The following TNRC18 variants were observed in gnomAD, a reference collection of about 807,000 sequenced individuals.
The protein encoded by TNRC18 is trinucleotide repeat-containing gene 18 protein.
A neutral mutation model predicts 226.7 loss-of-function variants in TNRC18; 69 were observed. The observed-to-expected ratio is 0.30, with a 90% CI of 0.25 to 0.37. TNRC18 has a LOEUF of 0.37. Among genes scored for constraint, TNRC18 ranks in the 10% least tolerant of loss-of-function variants. TNRC18 has a pLI of 1.00. For synonymous variants in TNRC18, 2,449 were observed against 1,927.6 expected (o/e 1.27, Z -7.09); for missense variants, 4,754 against 4,256.6 (o/e 1.12, Z -3.25).
intron 2 of TNRC18, among the ~76,000 whole-genome samples, chr7:5,417,411 A>G (rs1407578106): frequency 6.6e-6 from 1 of 152,050 alleles, no homozygotes; most frequent in Non-Finnish European, 1.5e-5. Context: ...TGGAGGTTGC[A>G]ATGAGCTGAG....
At chr7:5,315,892 G>A in intron 25 of TNRC18, 64 bp downstream of exon 25, 1 of 1,281,546 alleles carries the variant, frequency 7.8e-7, no homozygotes, top group Non-Finnish European at 1.1e-6. Context: ...GCCGGGCTTG[G>A]AGGGCGAGAG....
intron 2 of TNRC18, among the ~76,000 whole-genome samples, chr7:5,413,570 G>C (rs1781975982): frequency 6.6e-6 from 1 of 152,172 alleles, no homozygotes; most frequent in Non-Finnish European, 1.5e-5. Flanking sequence ...CTGTTGCCCA[G>C]ACCACTGTGA....
At position 5,388,793 on chromosome 7, in the gene TNRC18, C is replaced by T; in HGVS notation, c.1031G>A (p.Gly344Glu). ...GGTGGCCGCGGGGGGTGCAGGAGGC[C>T]CCTTGGGGGGCGCGGGCGGCGGGGG... ...PLPPPPAPPK[G>E]PPAPPAATPA... is the part of the protein sequence containing the mutation. Residue 344 changes from glycine (G) to glutamate (E), a missense_variant, in exon 5 of 30, where the codon GGG becomes GAG. Physicochemically the swap from Gly to Glu is moderately conservative, Grantham distance 98. Transcript: ENST00000430969. 1 of 1,206,796 alleles carries T rather than the reference C, an allele frequency of 8.3e-7. No homozygotes were observed. The highest frequency in any genetic ancestry group is 1.0e-6 in the Non-Finnish European group (1 of 970,592). The allele number at this position is 1,206,796 out of a possible 1,614,324, so 74.8% of individuals were successfully genotyped here.
chr7:5,387,991 G>C lies in TNRC18; in HGVS notation c.1833C>G (p.Ser611Arg). ...AVRPGGCGKK[S>R]PFGGLGTMKP... is the part of the protein sequence containing the mutation. ...TCATGGTGCCCAAACCTCCAAAGGGGCTCTTCTTGCCACAGCCACCAGGGC... is the reference window on the plus strand; with the variant it reads ...TCATGGTGCCCAAACCTCCAAAGGGCCTCTTCTTGCCACAGCCACCAGGGC... The change falls in exon 5 of 30, where the codon AGC (serine) becomes AGG (arginine). Residue 611 changes from serine (S) to arginine (R), a missense_variant. By Grantham distance (110) the Ser-to-Arg change is moderately radical (BLOSUM62 -1). Transcript: ENST00000430969. The C allele has an allele frequency of 6.3e-7, 1 of 1,590,268 alleles. No homozygotes were observed.
intron 17 of TNRC18, among the ~76,000 whole-genome samples, chr7:5,349,512 G>C (rs948534818): frequency 1.3e-5 from 2 of 152,222 alleles, no homozygotes; most frequent in African/African-American, 2.4e-5. Flanking sequence ...GTAAATGTCA[G>C]AGCGATCTGC....
At chr7:5,331,235 C>A (rs754008869) in intron 19 of TNRC18, among the ~76,000 whole-genome samples, 1 of 152,062 alleles carries the variant, frequency 6.6e-6, no homozygotes, top group African/African-American at 2.4e-5. Context: ...GGTATTTTGA[C>A]AGAATACCGT....
chr7:5,388,458 G>C lies in TNRC18; in HGVS notation c.1366C>G (p.Pro456Ala). The change falls in exon 5 of 30, where the codon CCC (proline) becomes GCC (alanine). Residue 456 changes from proline to alanine, a missense_variant. Pro to Ala is a conservative substitution (Grantham distance 27). Transcript: ENST00000430969. ...TVRATRASPD[P>A]RAYVPAKELL... ...TCCTTGGCAGGCACGTAGGCGCGGGGGTCCGGGGAGGCGCGTGTGGCCCGC... is the reference window on the plus strand; with the variant it reads ...TCCTTGGCAGGCACGTAGGCGCGGGCGTCCGGGGAGGCGCGTGTGGCCCGC... 1 of 1,441,716 alleles carries C rather than the reference G, an allele frequency of 6.9e-7. No individual in the cohort carries two copies. The highest frequency in any genetic ancestry group is 9.0e-7 in the Non-Finnish European group (1 of 1,109,996). 89.3% of individuals were successfully genotyped at this position (1,441,716 alleles called of 1,614,324 possible).
Position 5,308,060 on chromosome 7 carries a change from C to A in TNRC18, c.*46G>T. 6.6e-7 allele frequency: 1 copy of A among 1,518,008 alleles called. No individual in the cohort carries two copies. 94.0% of individuals were successfully genotyped at this position (1,518,008 alleles called of 1,614,324 possible). Reference sequence around the variant, plus strand: ...CGCCATGGCAGTGATGGAGATGGGTCCCTGGCCGCCCTCGGGGCACAGGTG... The same window carrying A: ...CGCCATGGCAGTGATGGAGATGGGTACCTGGCCGCCCTCGGGGCACAGGTG... On this transcript the variant is annotated 3_prime_UTR_variant, in exon 30 of 30. Coordinates refer to ENST00000430969, the MANE Select transcript of TNRC18 (RefSeq NM_001080495.3).
At position 5,345,644 on chromosome 7, in the gene TNRC18, G is replaced by A; in HGVS notation, c.5637C>T (p.Pro1879=). ...CCACAGACAGGGATGGACCCACCGT[G>A]GGGCTGGGGAGGGCGCTGGCGGCGA... is the stretch of plus-strand genomic sequence containing the variant. The part of the protein sequence containing the change: ...ARFAASALPS[P]TVGPSLSVVQ... Residue 1879 remains proline, a synonymous_variant, in exon 18 of 30, where the codon CCC becomes CCT. Coordinates refer to ENST00000430969, the MANE Select transcript of TNRC18 (RefSeq NM_001080495.3). 1 of 1,557,010 alleles carries A rather than the reference G, an allele frequency of 6.4e-7. No homozygotes were observed. The highest frequency in any genetic ancestry group is 8.7e-7 in the Non-Finnish European group (1 of 1,150,628).
At chr7:5,411,426 G>A (rs1781836197) in intron 2 of TNRC18, among the ~76,000 whole-genome samples, 1 of 148,518 alleles carries the variant, frequency 6.7e-6, no homozygotes, top group South Asian at 2.1e-4. Flanking sequence ...GCTGAGGCAG[G>A]AGAATCACCT....
intron 2 of TNRC18, among the ~76,000 whole-genome samples, chr7:5,405,001 C>T (rs927546639): frequency 1.1e-4 from 17 of 152,006 alleles, no homozygotes; most frequent in Admixed American, 1.3e-4. Flanking sequence ...GCCTGTAGTC[C>T]CAGCTATTGG....
At chr7:5,387,298 G>A (rs537241280) in intron 5 of TNRC18, among the ~76,000 whole-genome samples, 300 of 152,244 alleles carry the variant, frequency 2.0e-3, no homozygotes, top group Non-Finnish European at 3.4e-3. Context: ...GCTAGGTACC[G>A]GGGACACTGG....
chr7:5,316,272 G>GTC (rs1362378871), intron 24 of TNRC18, among the ~76,000 whole-genome samples, 200 bp from the exon 25 acceptor site: 1 of 76,668 alleles, frequency 1.3e-5, no homozygotes, highest in African/African-American at 5.7e-5. Context: ...GGAGAAATGG[G>GTC]TCTTTTTTTT....
At chr7:5,390,122 G>C in intron 4 of TNRC18, 1 of 414,448 alleles carries the variant, frequency 2.4e-6, no homozygotes, top group Non-Finnish European at 4.2e-6. Flanking sequence ...CCAGCACTTT[G>C]GAAAGCCGAG....
rs1794451658 is a variant in TNRC18, at chr7:5,374,466, G to C, written c.2818C>G (p.Gln940Glu). ...TCTTCCATCTCCGCCCGGTGCTCCT[G>C]CGCCTTCAACCGCTCCTGCTGGGAA... Reference protein sequence around the residue: ...AQLVQERLKAQEHRAEMEEKG... With the variant: ...AQLVQERLKAEEHRAEMEEKG... Residue 940 changes from glutamine (Q) to glutamate (E), a missense_variant, in exon 10 of 30, where the codon CAG becomes GAG. By Grantham distance (29) the Gln-to-Glu change is conservative. Coordinates refer to ENST00000430969, the MANE Select transcript of TNRC18 (RefSeq NM_001080495.3). 3.2e-6 allele frequency: 5 copies of C among 1,546,750 alleles called. No homozygotes were observed. The highest frequency in any genetic ancestry group is 4.4e-6 in the Non-Finnish European group (5 of 1,145,556).
intron 18 of TNRC18, among the ~76,000 whole-genome samples, chr7:5,333,886 C>T (rs768319811): frequency 6.6e-6 from 1 of 152,202 alleles, no homozygotes; most frequent in African/African-American, 2.4e-5. Flanking sequence ...TGTCCATGCC[C>T]AGGTCCCAGC....
At chr7:5,416,850 G>A (rs140121221) in intron 2 of TNRC18, among the ~76,000 whole-genome samples, 2 of 152,096 alleles carry the variant, frequency 1.3e-5, no homozygotes, top group Admixed American at 1.3e-4. Flanking sequence ...AATTAGCCAG[G>A]CATGGTGGTA....
chr7:5,392,475 G>A lies in TNRC18; in HGVS notation c.344-1847C>T, dbSNP rs185668780. On this transcript the variant is annotated intron_variant, in intron 3 of 29. Transcript: ENST00000430969. ...CTAAAAATACAAAAATTAGCCAGGC[G>A]TGGTGGCGCACGCCTGTAATCCCAG... Among the ~76,000 whole-genome samples the A allele has an allele frequency of 2.5e-3, 377 of 152,198 alleles. 3 individuals are homozygous for A. The highest frequency in any genetic ancestry group is 8.8e-3 in the African/African-American group (364 of 41,534).
At chr7:5,420,262 G>A (rs535647611) in intron 2 of TNRC18, 2 of 388,290 alleles carry the variant, frequency 5.2e-6, no homozygotes, top group South Asian at 3.7e-5. Context: ...TCCTCCAGCA[G>A]CTCGATGTGA....
Sources: allele counts gnomAD v4.1 joint callset (sites outside exome capture counted in the v4.1 genomes callset), GRCh38; gene constraint gnomAD v4.1.1; transcripts MANE v1.5; gene names NCBI Gene and HGNC (gene_info 2026-07-23, HGNC 2026-07-21).